Variants in CDC40 observed in about 807,000 individuals in gnomAD.
CDC40 encodes cell division cycle 40.
Under a neutral mutation model 80.6 loss-of-function variants are expected in CDC40, and 27 were observed. That is an observed-to-expected ratio of 0.33 (90% confidence interval 0.25 to 0.46). CDC40 has a LOEUF of 0.46. Ranked by LOEUF, CDC40 falls within the 20% of genes least tolerant of loss-of-function variation. The probability of loss-of-function intolerance (pLI) is 1.00; values close to 1 mark genes in which losing one functional copy is unlikely to be tolerated. For missense variants in CDC40, 486 were observed against 694.1 expected (o/e 0.70, Z 3.37); for synonymous variants, 221 against 232.6 (o/e 0.95, Z 0.45).
intron 3 of CDC40, among the ~76,000 whole-genome samples, chr6:110,207,170 C>T (rs188603250): frequency 1.3e-5 from 2 of 152,056 alleles, no homozygotes; most frequent in East Asian, 3.9e-4. Flanking sequence ...CAAAAGTTAG[C>T]TAGGGGTAAT....
intron 1 of CDC40, 36 bp from the exon 2 acceptor site, chr6:110,193,146 A>T: frequency 8.0e-7 from 1 of 1,243,122 alleles, no homozygotes; most frequent in Non-Finnish European, 1.2e-6. Flanking sequence ...ATAGTCATTT[A>T]TCAGATCATT....
chr6:110,190,526 T>C (rs371332581), intron 1 of CDC40, among the ~76,000 whole-genome samples: 22 of 152,254 alleles, frequency 1.4e-4, no homozygotes, highest in African/African-American at 4.8e-4. Context: ...TTAGTGAAGA[T>C]GGAGTCATGG....
At chr6:110,215,586 A>G (rs760670553) in intron 9 of CDC40, among the ~76,000 whole-genome samples, 16 of 152,168 alleles carry the variant, frequency 1.1e-4, no homozygotes, top group Non-Finnish European at 2.1e-4. Context: ...TTGTCAGAGT[A>G]TGGGGGATGG....
At chr6:110,185,474 C>T (rs1777256617) in intron 1 of CDC40, among the ~76,000 whole-genome samples, 1 of 151,860 alleles carries the variant, frequency 6.6e-6, no homozygotes, top group African/African-American at 2.4e-5. Context: ...GATCTCCTGA[C>T]CTCGTGATCC....
rs911619139 is a variant in CDC40, at chr6:110,185,822, C to T, written c.189+5189C>T. ...ATGGCAATTTTTTTAAAAGTATAGT[C>T]ATAAACACATATCACAGAAAAAAAG... On this transcript the variant is annotated intron_variant, in intron 1 of 14. Transcript: ENST00000307731. Among the ~76,000 whole-genome samples the T allele has an allele frequency of 5.2e-4, 79 of 152,244 alleles. 2 individuals carry two copies. Among genetic ancestry groups the T allele is most frequent in the African/African-American group, 1.8e-3 (74 of 41,534 alleles).
chr6:110,193,330 A>G (rs2114651603), intron 2 of CDC40, 62 bp downstream of exon 2: 2 of 916,148 alleles, frequency 2.2e-6, no homozygotes, highest in East Asian at 4.9e-5. Context: ...GTAGATAATT[A>G]GGTGCAGCAG....
At chr6:110,193,102 G>A in intron 1 of CDC40, 80 bp from the exon 2 acceptor site, 1 of 795,030 alleles carries the variant, frequency 1.3e-6, no homozygotes, top group Non-Finnish European at 2.2e-6. Flanking sequence ...GTTAAAGATG[G>A]CTAGTGTGAC....
At chr6:110,196,246 G>A in intron 2 of CDC40, among the ~76,000 whole-genome samples, 1 of 152,200 alleles carries the variant, frequency 6.6e-6, no homozygotes, top group Non-Finnish European at 1.5e-5. Flanking sequence ...CCACTGTGGA[G>A]TTTGCAGGGT....
chr6:110,181,880 C>G (rs1777201923), intron 1 of CDC40, among the ~76,000 whole-genome samples: 1 of 152,208 alleles, frequency 6.6e-6, no homozygotes, highest in Non-Finnish European at 1.5e-5. Flanking sequence ...TTGAAACTTT[C>G]TCTCCGTTTC....
At chr6:110,198,193 T>G (rs1356648884) in intron 2 of CDC40, among the ~76,000 whole-genome samples, 1 of 151,808 alleles carries the variant, frequency 6.6e-6, no homozygotes, top group Admixed American at 6.6e-5. Flanking sequence ...TTTTTTTTTT[T>G]TTTGAGAGGA....
intron 9 of CDC40, 149 bp from the exon 10 acceptor site, chr6:110,217,553 C>T (rs763627559): frequency 8.7e-5 from 51 of 586,564 alleles, no homozygotes; most frequent in Non-Finnish European, 1.4e-4. Context: ...TATTCTAAGT[C>T]AGTAAATCAG....
chr6:110,225,442 C>G lies in CDC40; in HGVS notation c.1341-725C>G, dbSNP rs9398232. 5.0e-3 allele frequency among the ~76,000 whole-genome samples: 756 copies of G among 150,134 alleles called. 15 individuals are homozygous for G. Among genetic ancestry groups the G allele is most frequent in the East Asian group, 0.036 (185 of 5,128 alleles). On this transcript the variant is annotated intron_variant, in intron 12 of 14. Transcript: ENST00000307731. ...ATTTTTTTTTCATTCTTTCATCACT[C>G]ACATGAGGTTTTTTTTTTTTTTTTA...
chr6:110,214,792 G>C (rs990265816), intron 8 of CDC40, among the ~76,000 whole-genome samples: 1 of 151,902 alleles, frequency 6.6e-6, no homozygotes, highest in Non-Finnish European at 1.5e-5. Flanking sequence ...TTTTATTTTA[G>C]TCTAGATCAT....
intron 1 of CDC40, among the ~76,000 whole-genome samples, chr6:110,183,735 A>G (rs527777793): frequency 6.6e-6 from 1 of 152,366 alleles, no homozygotes; most frequent in Non-Finnish European, 1.5e-5. Flanking sequence ...ATTAATAGCA[A>G]GCATTTTGGC....
At chr6:110,192,844 C>A (rs1301640492) in intron 1 of CDC40, among the ~76,000 whole-genome samples, 1 of 152,034 alleles carries the variant, frequency 6.6e-6, no homozygotes, top group Non-Finnish European at 1.5e-5. Context: ...AAAAGAAATA[C>A]CTCTTTTGAA....
intron 5 of CDC40, among the ~76,000 whole-genome samples, chr6:110,210,423 ACCGAGTAGT>A: frequency 6.6e-6 from 1 of 151,488 alleles, no homozygotes; most frequent in South Asian, 2.1e-4. Context: ...GGTAGTGTGC[ACCGAGTAGT>A]CCCAGCTACT....
chr6:110,227,577 TAGTA>T (rs1234644355), intron 13 of CDC40, among the ~76,000 whole-genome samples: 3 of 152,208 alleles, frequency 2.0e-5, no homozygotes, highest in African/African-American at 7.2e-5. Context: ...TCTGTTTCCT[TAGTA>T]AGTAATGTTT....
chr6:110,228,776 A>T, intron 13 of CDC40, 56 bp from the exon 14 acceptor site: 1 of 1,369,236 alleles, frequency 7.3e-7, no homozygotes. Context: ...TAAAATAAAA[A>T]GTTTTAAAAA....
chr6:110,226,093 C>A, intron 12 of CDC40, 74 bp from the exon 13 acceptor site: 1 of 762,632 alleles, frequency 1.3e-6, no homozygotes, highest in Non-Finnish European at 2.3e-6. Context: ...GCATATTATT[C>A]CTTTGTTCCA....
Sources: allele counts gnomAD v4.1 joint callset (sites outside exome capture counted in the v4.1 genomes callset), GRCh38; gene constraint gnomAD v4.1.1; transcripts MANE v1.5; gene names NCBI Gene and HGNC (gene_info 2026-07-23, HGNC 2026-07-21).